Variants in FRYL observed in about 807,000 individuals in gnomAD.
The protein encoded by FRYL is protein furry homolog-like.
FRYL carries 150 observed loss-of-function variants against 351.2 expected under a neutral mutation model. The observed-to-expected ratio is 0.43, with a 90% confidence interval of 0.37 to 0.49. The LOEUF is 0.49. Ranked by LOEUF, FRYL falls within the 20% of genes least tolerant of loss-of-function variation. FRYL has a pLI of 0.00. For synonymous variants in FRYL, 1,153 were observed against 1,257.1 expected (o/e 0.92, Z 1.75); for missense variants, 3,036 against 3,619.3 (o/e 0.84, Z 4.13).
intron 15 of FRYL, among the ~76,000 whole-genome samples, 184 bp downstream of exon 15, chr4:48,595,406 C>T (rs1191955588): frequency 2.6e-5 from 4 of 152,172 alleles, no homozygotes; most frequent in Non-Finnish European, 5.9e-5. Context: ...TTGTTTATCC[C>T]TCTTCAATTC....
In FRYL at chr4:48,575,051, TAC is replaced by T. The variant is rs1739297563; in HGVS notation, c.2846+64_2846+65del. ...ACCCTACCACACCTTCTAAGGACCC[TAC>T]CACACCTTCTAAGTAGCACATTTAT... is the stretch of plus-strand genomic sequence containing the variant. On this transcript the variant is annotated intron_variant, in intron 25 of 63. Coordinates refer to ENST00000358350, the MANE Select transcript of FRYL (RefSeq NM_015030.2). 51 of 1,550,604 alleles carry T rather than the reference TAC, an allele frequency of 3.3e-5. No individual in the cohort carries two copies. The South Asian group carries it at 5.7e-4, about 17-fold the overall frequency.
intron 1 of FRYL, among the ~76,000 whole-genome samples, chr4:48,726,133 G>C (rs1770057436): frequency 6.6e-6 from 1 of 152,166 alleles, no homozygotes. Flanking sequence ...CTTTTTGTGG[G>C]GGTAGGTGGT....
intron 47 of FRYL, among the ~76,000 whole-genome samples, chr4:48,538,625 T>A (rs1464420629): frequency 1.3e-5 from 2 of 152,188 alleles, no homozygotes; most frequent in Non-Finnish European, 2.9e-5. Flanking sequence ...TGCTACTTGT[T>A]AATCAAATCC....
intron 1 of FRYL, among the ~76,000 whole-genome samples, chr4:48,731,188 G>A (rs1435460523): frequency 1.3e-5 from 2 of 152,134 alleles, no homozygotes; most frequent in Non-Finnish European, 2.9e-5. Flanking sequence ...AAATACATAT[G>A]CACCCAATAC....
At chr4:48,682,478 G>A (rs1385575359) in intron 3 of FRYL, among the ~76,000 whole-genome samples, 1 of 152,058 alleles carries the variant, frequency 6.6e-6, no homozygotes, top group Non-Finnish European at 1.5e-5. Context: ...GAGTGAACAG[G>A]CAACCTACAG....
At chr4:48,502,713 A>T in intron 61 of FRYL, 115 bp downstream of exon 61, 1 of 729,014 alleles carries the variant, frequency 1.4e-6, no homozygotes, top group Non-Finnish European at 2.3e-6. Context: ...AGCACATACT[A>T]CTTGTAAAGT....
chr4:48,658,162 T>TTAG (rs397791039), intron 3 of FRYL, among the ~76,000 whole-genome samples: 2 of 151,952 alleles, frequency 1.3e-5, no homozygotes, highest in Non-Finnish European at 2.9e-5. Flanking sequence ...ACTAGAAATA[T>TTAG]GCAATTGATG....
chr4:48,543,826 T>A lies in FRYL; in HGVS notation c.5573A>T (p.Asp1858Val), dbSNP rs770043072. The A allele has an allele frequency of 6.2e-7, 1 of 1,613,418 alleles. No individual in the cohort carries two copies. The highest frequency in any genetic ancestry group is 8.5e-7 in the Non-Finnish European group (1 of 1,179,640). ...AAATACCTGTGCATCTTCTCCTGGA[T>A]CCCCTACAGTTTCTACAAGTCTGGA... Reference protein sequence around the residue: ...VLSRLVETVGDPGEDAQGFVI... With the variant: ...VLSRLVETVGVPGEDAQGFVI... Residue 1858 changes from aspartate to valine, a missense_variant, in exon 44 of 64, where the codon GAT becomes GTT. This residue lies in a region of FRYL where 1,987 missense variants were observed against 2,311.7 expected (regional missense o/e 0.86). Coordinates refer to ENST00000358350, the MANE Select transcript of FRYL (RefSeq NM_015030.2).
intron 2 of FRYL, among the ~76,000 whole-genome samples, chr4:48,695,955 T>C (rs1398397138): frequency 6.6e-6 from 1 of 152,106 alleles, no homozygotes; most frequent in African/African-American, 2.4e-5. Flanking sequence ...ATTAGAGAAA[T>C]GCAAATCAAA....
chr4:48,670,190 T>C (rs1427320741), intron 3 of FRYL, among the ~76,000 whole-genome samples: 2 of 152,024 alleles, frequency 1.3e-5, no homozygotes, highest in African/African-American at 4.8e-5. Context: ...TCCCAGCACT[T>C]TGGAAGGCTG....
chr4:48,516,425 T>G (rs1723618161), intron 55 of FRYL, among the ~76,000 whole-genome samples: 1 of 152,228 alleles, frequency 6.6e-6, no homozygotes, highest in Admixed American at 6.5e-5. Context: ...AACACTAGTT[T>G]TTAGTTTATT....
At chr4:48,778,333 TAA>T (rs397993308) in intron 1 of FRYL, among the ~76,000 whole-genome samples, 2 of 143,762 alleles carry the variant, frequency 1.4e-5, no homozygotes, top group Non-Finnish European at 1.5e-5. Flanking sequence ...ACTGCTTTAA[TAA>T]AAAAAAAAAA....
At chr4:48,577,267 A>G (rs1560642008) in intron 23 of FRYL, among the ~76,000 whole-genome samples, 2 of 152,260 alleles carry the variant, frequency 1.3e-5, no homozygotes, top group Admixed American at 1.3e-4. Context: ...AAACAATTCC[A>G]TAAATCTTTC....
chr4:48,690,016 C>A (rs1472289451), intron 2 of FRYL, among the ~76,000 whole-genome samples: 1 of 151,100 alleles, frequency 6.6e-6, no homozygotes, highest in African/African-American at 2.4e-5. Flanking sequence ...CCTGCCTCAG[C>A]CTCCCGACTA....
intron 7 of FRYL, among the ~76,000 whole-genome samples, chr4:48,613,178 A>G (rs1748603855): frequency 6.6e-6 from 1 of 152,204 alleles, no homozygotes; most frequent in South Asian, 2.1e-4. Flanking sequence ...AATTTTATAA[A>G]ATATGTTAAA....
intron 2 of FRYL, among the ~76,000 whole-genome samples, chr4:48,688,257 C>CA (rs1765353035): frequency 6.6e-6 from 1 of 152,142 alleles, no homozygotes; most frequent in Non-Finnish European, 1.5e-5. Flanking sequence ...ACCAAAATGA[C>CA]ACAAGTGTTC....
chr4:48,534,810 G>A, intron 48 of FRYL, 125 bp from the exon 49 acceptor site: 1 of 575,538 alleles, frequency 1.7e-6, no homozygotes, highest in Non-Finnish European at 3.0e-6. Flanking sequence ...ATGTGGATTA[G>A]AAATCTAGAG....
Position 48,556,963 on chromosome 4 carries a change from A to G in FRYL, c.4266+15T>C, listed in dbSNP as rs1484517540. ...TATACATATATTTTAAAATTAAATG[A>G]ACTTGAATACATACGTAAGGCAAGA... On this transcript the variant is annotated intron_variant, in intron 35 of 63. Transcript: ENST00000358350. 6.5e-7 allele frequency: 1 copy of G among 1,538,222 alleles called. No individual in the cohort carries two copies. The highest frequency in any genetic ancestry group is 1.2e-5 in the South Asian group (1 of 81,876).
intron 1 of FRYL, among the ~76,000 whole-genome samples, chr4:48,755,346 G>C (rs759609888): frequency 1.3e-5 from 2 of 152,036 alleles, no homozygotes; most frequent in African/African-American, 2.4e-5. Flanking sequence ...GATACACATA[G>C]CCTCAACATT....
Sources: gnomAD v4.1 joint callset for allele counts (sites outside exome capture counted in the v4.1 genomes callset) on GRCh38, gnomAD v4.1.1 for gene constraint, gnomAD v4.1.1 regional missense constraint, MANE v1.5 for transcripts, NCBI Gene and HGNC (gene_info 2026-07-23, HGNC 2026-07-21) for gene names.